DSCAML1: variants seen among roughly 807,000 people sequenced by gnomAD.
DSCAML1 encodes cell adhesion molecule DSCAML1.
Under a neutral mutation model 200.5 loss-of-function variants are expected in DSCAML1, and 38 were observed. The ratio of observed to expected loss-of-function variants is 0.19; its 90% CI spans 0.15 to 0.25. The LOEUF (loss-of-function observed/expected upper bound fraction) is 0.25, where lower values mean the gene tolerates loss of function less well. DSCAML1 is among the 10% of genes least tolerant of loss of function. The pLI is 1.00. For missense variants in DSCAML1, 2,223 were observed against 2,858.8 expected, an observed-to-expected ratio of 0.78 and a Z score of 5.07; for synonymous variants, 1,215 against 1,165.0, an observed-to-expected ratio of 1.04 and a Z score of -0.87.
intron 1 of DSCAML1, among the ~76,000 whole-genome samples, chr11:117,796,380 G>A (rs888615488): frequency 6.6e-6 from 1 of 152,236 alleles, no homozygotes; most frequent in Non-Finnish European, 1.5e-5. Context: ...ACCAAGCCGG[G>A]GCTAAAGCCG....
intron 1 of DSCAML1, among the ~76,000 whole-genome samples, chr11:117,790,269 G>C (rs1005451077): frequency 6.6e-6 from 1 of 152,246 alleles, no homozygotes; most frequent in Admixed American, 6.5e-5. Context: ...AGTTGGTCCA[G>C]AGGACTATGG....
intron 4 of DSCAML1, among the ~76,000 whole-genome samples, chr11:117,526,641 C>T (rs2049983286): frequency 6.6e-6 from 1 of 152,098 alleles, no homozygotes; most frequent in South Asian, 2.1e-4. Flanking sequence ...TCTCAGCCTC[C>T]CAAGAAGCTG....
At chr11:117,722,473 T>C (rs1468720957) in intron 3 of DSCAML1, among the ~76,000 whole-genome samples, 4 of 152,020 alleles carry the variant, frequency 2.6e-5, no homozygotes, top group Admixed American at 2.6e-4. Flanking sequence ...CTCTGTAAGG[T>C]GAATATATTT....
At chr11:117,553,256 C>G (rs1410324550) in intron 3 of DSCAML1, among the ~76,000 whole-genome samples, 4 of 152,176 alleles carry the variant, frequency 2.6e-5, no homozygotes, top group Non-Finnish European at 5.9e-5. Flanking sequence ...ACCAAAAGCA[C>G]AGCTAACAAA....
At chr11:117,712,719 C>T (rs1027134933) in intron 3 of DSCAML1, among the ~76,000 whole-genome samples, 12 of 152,086 alleles carry the variant, frequency 7.9e-5, no homozygotes, top group African/African-American at 1.4e-4. Context: ...TGCTCAATCA[C>T]GCTCAATCAC....
chr11:117,557,508 C>T (rs989478612), intron 3 of DSCAML1, among the ~76,000 whole-genome samples: 1 of 152,222 alleles, frequency 6.6e-6, no homozygotes, highest in Non-Finnish European at 1.5e-5. Context: ...CCGCCTCACT[C>T]GAGCCCCTCT....
At chr11:117,429,947 T>G (rs1184610026) in intron 32 of DSCAML1, among the ~76,000 whole-genome samples, 2 of 152,346 alleles carry the variant, frequency 1.3e-5, no homozygotes, top group Admixed American at 1.3e-4. Flanking sequence ...GGGGTGTCAT[T>G]CAGGGTCACA....
rs186385843 is a variant in DSCAML1, at chr11:117,464,828, C to T, written c.3265+114G>A. 2.9e-3 allele frequency: 4,403 copies of T among 1,509,080 alleles called. 5 individuals are homozygous for T. Among genetic ancestry groups the T allele is most frequent in the Non-Finnish European group, 3.6e-3 (4,036 of 1,126,706 alleles). 93.5% of individuals were successfully genotyped at this position (1,509,080 alleles called of 1,614,324 possible). A position where few individuals can be genotyped will look rare whatever the true frequency, so the allele number is the denominator to read the frequency against. Reference sequence around the variant, plus strand: ...GGATGCAGGGAGCCTGCGTGGACCACAGGACCAAAATGGGGCCCAGGGGCA... The same window carrying T: ...GGATGCAGGGAGCCTGCGTGGACCATAGGACCAAAATGGGGCCCAGGGGCA... On this transcript the variant is annotated intron_variant, in intron 17 of 32. Coordinates refer to ENST00000651296, the MANE Select transcript of DSCAML1 (RefSeq NM_020693.4).
rs536497485 is a variant in DSCAML1 at position 117,549,766 on chromosome 11, A to C, written c.512-17244T>G. Among the ~76,000 whole-genome samples the C allele has an allele frequency of 2.0e-5, 3 of 152,270 alleles. No individual in the cohort carries two copies. The East Asian group carries it at 5.8e-4, about 29-fold the overall frequency. On this transcript the variant is annotated intron_variant, in intron 3 of 32. Transcript: ENST00000651296. ...TTTTCCTCTTCTTAGAACTGTTAAA[A>C]ATCCTCTGCTGCTGCTCAAATAGCA...
chr11:117,472,639 T>C (rs1295330639), intron 14 of DSCAML1, among the ~76,000 whole-genome samples: 1 of 152,172 alleles, frequency 6.6e-6, no homozygotes, highest in Non-Finnish European at 1.5e-5. Context: ...TTCAGAGTCA[T>C]TAGGGTTAGG....
At chr11:117,738,362 C>T (rs2054359973) in intron 3 of DSCAML1, among the ~76,000 whole-genome samples, 1 of 152,018 alleles carries the variant, frequency 6.6e-6, no homozygotes, top group South Asian at 2.1e-4. Context: ...TTTTGTGGGT[C>T]TAGCAGTAAT....
At chr11:117,514,696 C>T (rs1389592169) in intron 8 of DSCAML1, among the ~76,000 whole-genome samples, 1 of 145,760 alleles carries the variant, frequency 6.9e-6, no homozygotes, top group Admixed American at 7.1e-5. Flanking sequence ...TATTCTCCTG[C>T]TTCTGCCTCC....
intron 21 of DSCAML1, among the ~76,000 whole-genome samples, chr11:117,442,961 C>T (rs954967569): frequency 2.0e-5 from 3 of 152,196 alleles, no homozygotes; most frequent in Admixed American, 6.5e-5. Context: ...CCTGGCCCAC[C>T]GTAGGCCCTC....
At chr11:117,560,528 C>T (rs956347950) in intron 3 of DSCAML1, among the ~76,000 whole-genome samples, 4 of 152,192 alleles carry the variant, frequency 2.6e-5, no homozygotes, top group East Asian at 1.9e-4. Context: ...AGTTAACTCA[C>T]GGGAAAGCCA....
At chr11:117,793,234 G>T (rs2055507966) in intron 1 of DSCAML1, among the ~76,000 whole-genome samples, 1 of 152,160 alleles carries the variant, frequency 6.6e-6, no homozygotes, top group Admixed American at 6.5e-5. Flanking sequence ...CCCTATTCAT[G>T]CACCTGGGTA....
intron 19 of DSCAML1, among the ~76,000 whole-genome samples, chr11:117,454,575 C>T (rs2048339948): frequency 6.6e-6 from 1 of 152,186 alleles, no homozygotes; most frequent in Admixed American, 6.5e-5. Flanking sequence ...TTGATAAAAC[C>T]CAAGTTGGAA....
intron 3 of DSCAML1, among the ~76,000 whole-genome samples, chr11:117,769,518 A>T (rs1247885927): frequency 9.8e-5 from 8 of 81,718 alleles, no homozygotes; most frequent in South Asian, 5.6e-4. Flanking sequence ...TTTTATATAT[A>T]TTATATATAT....
intron 3 of DSCAML1, among the ~76,000 whole-genome samples, chr11:117,566,192 A>C (rs2050752057): frequency 1.3e-5 from 2 of 152,230 alleles, no homozygotes; most frequent in Non-Finnish European, 2.9e-5. Context: ...TGACTTGTAC[A>C]AAATTAGAGA....
At chr11:117,714,911 C>T (rs1219135736) in intron 3 of DSCAML1, among the ~76,000 whole-genome samples, 1 of 151,850 alleles carries the variant, frequency 6.6e-6, no homozygotes, top group Non-Finnish European at 1.5e-5. Context: ...GGCCCCAGGC[C>T]CCAGCCGTCC....
Sources: allele counts gnomAD v4.1 joint callset (sites outside exome capture counted in the v4.1 genomes callset), GRCh38; gene constraint gnomAD v4.1.1; transcripts MANE v1.5; gene names NCBI Gene and HGNC (gene_info 2026-07-23, HGNC 2026-07-21).